Variants in ELAPOR2 observed in about 807,000 individuals in gnomAD.
ELAPOR2 encodes the protein endosome-lysosome associated apoptosis and autophagy regulator family member 2.
ELAPOR2 carries 89 observed loss-of-function variants against 120.7 expected under a neutral mutation model. The ratio of observed to expected loss-of-function variants is 0.74; its 90% confidence interval spans 0.62 to 0.88. The LOEUF is 0.88. Ranked by LOEUF, ELAPOR2 falls within the 40% of genes least tolerant of loss-of-function variation. The pLI is 0.00. For synonymous variants in ELAPOR2, 444 were observed against 444.9 expected (o/e 1.00, Z 0.03); for missense variants, 1,134 against 1,251.6 (o/e 0.91, Z 1.42).
intron 1 of ELAPOR2, among the ~76,000 whole-genome samples, chr7:87,054,882 C>CA (rs1211579508): frequency 3.3e-5 from 5 of 152,208 alleles, no homozygotes; most frequent in African/African-American, 1.2e-4. Context: ...AACTGACACA[C>CA]AATGAGCCCT....
chr7:87,034,258 C>T (rs557423539), intron 1 of ELAPOR2, among the ~76,000 whole-genome samples: 3 of 151,994 alleles, frequency 2.0e-5, no homozygotes, highest in South Asian at 2.1e-4. Context: ...GGAGAAGATG[C>T]GGCGGTTCAA....
intron 1 of ELAPOR2, among the ~76,000 whole-genome samples, chr7:87,011,778 A>C (rs1249974212): frequency 6.6e-6 from 1 of 152,138 alleles, no homozygotes; most frequent in Non-Finnish European, 1.5e-5. Context: ...TATTTATAGG[A>C]GGGGAAGAAA....
chr7:86,904,209 G>C (rs1171249521), intron 18 of ELAPOR2, among the ~76,000 whole-genome samples: 1 of 152,094 alleles, frequency 6.6e-6, no homozygotes, highest in East Asian at 1.9e-4. Context: ...CTCTTTATCT[G>C]CTTTTTAATA....
intron 2 of ELAPOR2, among the ~76,000 whole-genome samples, chr7:86,962,074 T>C (rs1443085208): frequency 3.3e-5 from 5 of 152,190 alleles, no homozygotes; most frequent in Non-Finnish European, 7.4e-5. Flanking sequence ...CCCAGGGTTC[T>C]AGAACAACAA....
At chr7:86,900,146 T>C (rs1788650765) in intron 18 of ELAPOR2, among the ~76,000 whole-genome samples, 1 of 152,074 alleles carries the variant, frequency 6.6e-6, no homozygotes, top group Non-Finnish European at 1.5e-5. Context: ...CAGTGGAGTT[T>C]TGAGTAAGGA....
At chr7:86,914,915 T>C in intron 12 of ELAPOR2, 55 bp from the exon 13 acceptor site, 3 of 1,319,296 alleles carry the variant, frequency 2.3e-6, no homozygotes, top group Non-Finnish European at 3.2e-6. Flanking sequence ...AACATTAATA[T>C]ACCTGTGTAT....
chr7:86,947,642 T>A (rs1791062748), intron 3 of ELAPOR2, 85 bp downstream of exon 3: 1 of 1,202,826 alleles, frequency 8.3e-7, no homozygotes, highest in Non-Finnish European at 1.2e-6. Context: ...AGTACCAAGA[T>A]TATCCTCATC....
intron 1 of ELAPOR2, among the ~76,000 whole-genome samples, chr7:87,036,514 A>G (rs1464541698): frequency 2.0e-5 from 3 of 152,174 alleles, no homozygotes; most frequent in African/African-American, 7.2e-5. Flanking sequence ...TCACAATAGC[A>G]AAGTCATGGA....
chr7:87,011,264 A>AG (rs1554404740), intron 1 of ELAPOR2, among the ~76,000 whole-genome samples: 22 of 133,772 alleles, frequency 1.6e-4, no homozygotes, highest in African/African-American at 5.2e-4. Flanking sequence ...AAAAAAAAAA[A>AG]AAAAGAAAAG....
intron 1 of ELAPOR2, among the ~76,000 whole-genome samples, chr7:87,036,932 G>T (rs1404317452): frequency 6.6e-6 from 1 of 152,024 alleles, no homozygotes; most frequent in African/African-American, 2.4e-5. Context: ...TCTAAAAGTT[G>T]AAAAATTAAA....
chr7:87,057,495 G>C (rs1795299505), intron 1 of ELAPOR2, among the ~76,000 whole-genome samples: 1 of 152,168 alleles, frequency 6.6e-6, no homozygotes, highest in African/African-American at 2.4e-5. Context: ...CCAAAGGCAG[G>C]CTCAATAGCG....
chr7:86,987,325 C>A (rs1202290598), intron 1 of ELAPOR2, among the ~76,000 whole-genome samples: 3 of 152,120 alleles, frequency 2.0e-5, no homozygotes, highest in Non-Finnish European at 4.4e-5. Flanking sequence ...GCAACAGCAA[C>A]AAAAGCCAAA....
In ELAPOR2 at chr7:86,914,722, C is replaced by T. The variant is rs998556341; in HGVS notation, c.1731+1G>A. ...TTTAAAAAAAAGTGCTTGGAACTTA[C>T]ATCTTGACCCTGATTAGTTCTCTGG... On this transcript the variant is annotated splice_donor_variant, in intron 13 of 21. Transcript: ENST00000450689. LOFTEE classifies it high-confidence loss of function. 6.2e-7 allele frequency: 1 copy of T among 1,601,142 alleles called. No homozygotes were observed. The highest frequency in any genetic ancestry group is 8.5e-7 in the Non-Finnish European group (1 of 1,175,246).
At chr7:86,899,777 G>A (rs1188299776) in intron 18 of ELAPOR2, among the ~76,000 whole-genome samples, 1 of 152,022 alleles carries the variant, frequency 6.6e-6, no homozygotes, top group Non-Finnish European at 1.5e-5. Flanking sequence ...TATGCCATAT[G>A]TCAGGGCTAA....
intron 10 of ELAPOR2, among the ~76,000 whole-genome samples, chr7:86,925,235 C>T (rs1790013645): frequency 6.6e-6 from 1 of 151,836 alleles, no homozygotes; most frequent in African/African-American, 2.4e-5. Context: ...GATTTCATCC[C>T]CCTCCTTGGT....
At chr7:87,025,969 C>T (rs1385170896) in intron 1 of ELAPOR2, among the ~76,000 whole-genome samples, 1 of 152,092 alleles carries the variant, frequency 6.6e-6, no homozygotes, top group Admixed American at 6.6e-5. Flanking sequence ...AAAAGCAAAC[C>T]TTAAACAAAC....
At chr7:86,905,633 C>G (rs145063447) in intron 18 of ELAPOR2, among the ~76,000 whole-genome samples, 44 of 151,534 alleles carry the variant, frequency 2.9e-4, no homozygotes, top group African/African-American at 9.7e-4. Flanking sequence ...GAGAATCTGT[C>G]TCAGAAAAAA....
intron 1 of ELAPOR2, among the ~76,000 whole-genome samples, chr7:87,000,636 GAC>G (rs1332215532): frequency 4.6e-5 from 7 of 152,112 alleles, no homozygotes; most frequent in African/African-American, 1.7e-4. Context: ...TACAATATAA[GAC>G]AAACCCCACA....
chr7:86,982,327 T>C (rs1421536451), intron 1 of ELAPOR2, among the ~76,000 whole-genome samples: 1 of 152,222 alleles, frequency 6.6e-6, no homozygotes, highest in Non-Finnish European at 1.5e-5. Flanking sequence ...AGCATGGTGT[T>C]TGAGCTCTGA....
Sources: gnomAD v4.1 joint callset for allele counts (sites outside exome capture counted in the v4.1 genomes callset) on GRCh38, gnomAD v4.1.1 for gene constraint, MANE v1.5 for transcripts, NCBI Gene and HGNC (gene_info 2026-07-23, HGNC 2026-07-21) for gene names.